Variants in UNC79 observed in about 807,000 individuals in gnomAD.
UNC79 encodes the protein unc-79 subunit of NALCN channel complex, also known as protein unc-79 homolog.
UNC79 carries 37 observed loss-of-function variants against 283.1 expected under a neutral mutation model. The observed-to-expected ratio is 0.13, with a 90% CI of 0.10 to 0.17. The LOEUF (loss-of-function observed/expected upper bound fraction) is 0.17. Ranked by LOEUF, UNC79 falls within the 10% of genes least tolerant of loss-of-function variation. The pLI is 1.00. For synonymous variants in UNC79, 1,107 were observed against 1,200.2 expected, an observed-to-expected ratio of 0.92 and a Z score of 1.61; for missense variants, 2,272 against 3,211.1, an observed-to-expected ratio of 0.71 and a Z score of 7.07.
At chr14:93,559,462 G>T (rs1214385337) in intron 14 of UNC79, among the ~76,000 whole-genome samples, 2 of 152,206 alleles carry the variant, frequency 1.3e-5, no homozygotes, top group Admixed American at 6.5e-5. Flanking sequence ...AATCACCTGG[G>T]TGCAGGTGGG....
intron 7 of UNC79, among the ~76,000 whole-genome samples, chr14:93,513,714 A>C (rs1242515693): frequency 6.6e-6 from 1 of 152,198 alleles, no homozygotes; most frequent in East Asian, 1.9e-4. Flanking sequence ...TGAAATATAC[A>C]ATACATTGTT....
In UNC79 at chr14:93,575,400, ATTTTT is replaced by A. The variant is rs113524776; in HGVS notation, c.2211+203_2211+207del. 6.1e-3 allele frequency among the ~76,000 whole-genome samples: 936 copies of A among 152,292 alleles called. 3 individuals are homozygous for A. The highest frequency in any genetic ancestry group is 0.021 in the African/African-American group (884 of 41,564). On this transcript the variant is annotated intron_variant, in intron 17 of 48. Coordinates refer to ENST00000555664, the Ensembl canonical transcript of UNC79. ...CAGTAAGTTATTGAGTTTTCATTTTATTTTTAATTTCTTTGAATTTTAGCTTTCTC... is the reference window on the plus strand; with the variant it reads ...CAGTAAGTTATTGAGTTTTCATTTTAAATTTCTTTGAATTTTAGCTTTCTC...
At chr14:93,603,594 C>G (rs890498969) in intron 26 of UNC79, among the ~76,000 whole-genome samples, 176 bp downstream of exon 26, 1 of 152,156 alleles carries the variant, frequency 6.6e-6, no homozygotes, top group Admixed American at 6.6e-5. Context: ...CCTAGGGTTG[C>G]TTTTCCTAGT....
chr14:93,389,814 G>T (rs573027974), intron 1 of UNC79, among the ~76,000 whole-genome samples: 1 of 152,196 alleles, frequency 6.6e-6, no homozygotes, highest in East Asian at 1.9e-4. Context: ...ATCACATCTG[G>T]CTAATTTTGT....
At chr14:93,619,668 A>G (rs183570906) in intron 29 of UNC79, among the ~76,000 whole-genome samples, 1 of 152,282 alleles carries the variant, frequency 6.6e-6, no homozygotes, top group Admixed American at 6.5e-5. Context: ...TTCATCTAAA[A>G]TTTACTACTT....
chr14:93,558,481 C>T (rs894288887), intron 14 of UNC79, among the ~76,000 whole-genome samples: 13 of 151,002 alleles, frequency 8.6e-5, no homozygotes, highest in Middle Eastern at 3.2e-3. Context: ...GCGTGAACCC[C>T]GGAGGCGGAG....
At chr14:93,418,341 G>C (rs1294384538) in intron 1 of UNC79, among the ~76,000 whole-genome samples, 1 of 151,678 alleles carries the variant, frequency 6.6e-6, no homozygotes, top group Admixed American at 6.6e-5. Flanking sequence ...GCAGATTTTC[G>C]TGAACCGTGA....
intron 22 of UNC79, among the ~76,000 whole-genome samples, chr14:93,588,443 TAAAG>T (rs2064371000): frequency 6.6e-6 from 1 of 151,978 alleles, no homozygotes; most frequent in Non-Finnish European, 1.5e-5. Flanking sequence ...ATTTTTAGGA[TAAAG>T]AAAATCTGAA....
At chr14:93,411,537 C>T (rs1228274250) in intron 1 of UNC79, among the ~76,000 whole-genome samples, 2 of 152,204 alleles carry the variant, frequency 1.3e-5, no homozygotes, top group Non-Finnish European at 2.9e-5. Flanking sequence ...GTAGTGGTGA[C>T]CACAGTGGGG....
intron 2 of UNC79, among the ~76,000 whole-genome samples, chr14:93,470,174 GT>G (rs537735900): frequency 9.3e-5 from 14 of 150,792 alleles, no homozygotes; most frequent in South Asian, 2.1e-4. Flanking sequence ...AGTTAAAATG[GT>G]TTTTTTTTGG....
At chr14:93,347,105 G>A in intron 1 of UNC79, 2 of 666,952 alleles carry the variant, frequency 3.0e-6, no homozygotes. Flanking sequence ...GGGCAGAGCA[G>A]GAGGTGCTGG....
At chr14:93,423,185 TAC>T (rs2055644597) in intron 1 of UNC79, among the ~76,000 whole-genome samples, 1 of 151,586 alleles carries the variant, frequency 6.6e-6, no homozygotes, top group East Asian at 2.0e-4. Flanking sequence ...GAAAGATCTC[TAC>T]ACTGAAACTA....
intron 41 of UNC79, among the ~76,000 whole-genome samples, chr14:93,675,157 G>C (rs867878142): frequency 6.6e-6 from 1 of 152,174 alleles, no homozygotes; most frequent in African/African-American, 2.4e-5. Flanking sequence ...CTCTTCAGCA[G>C]TATTTCCCAC....
At chr14:93,673,324 T>C (rs2073053642) in intron 40 of UNC79, 27 bp from the exon 44 acceptor site, 5 of 1,596,390 alleles carry the variant, frequency 3.1e-6, no homozygotes, top group Admixed American at 3.4e-5. Context: ...TAAAATCACT[T>C]ACCTCCTTCT....
intron 24 of UNC79, 71 bp downstream of exon 24, chr14:93,597,611 G>T: frequency 6.8e-7 from 1 of 1,476,982 alleles, no homozygotes. Flanking sequence ...TGCGTTGTTT[G>T]TCACGTCCTA....
chr14:93,542,797 C>T, intron 14 of UNC79, 101 bp downstream of exon 14: 4 of 1,080,848 alleles, frequency 3.7e-6, no homozygotes, highest in Non-Finnish European at 5.6e-6. Flanking sequence ...AGAGGAGGAA[C>T]ATCTCTCCTT....
chr14:93,580,584 T>C (rs2063737030), intron 19 of UNC79, among the ~76,000 whole-genome samples: 2 of 152,246 alleles, frequency 1.3e-5, no homozygotes, highest in Admixed American at 1.3e-4. Flanking sequence ...CGGAATTCTA[T>C]TAAGTGGCTT....
rs1330970051 is a variant in UNC79, at chr14:93,529,266, A to G, written c.1053-20A>G. 26 of 1,612,826 alleles carry G rather than the reference A, an allele frequency of 1.6e-5. No homozygotes were observed. Among genetic ancestry groups the G allele is most frequent in the Non-Finnish European group, 2.1e-5 (25 of 1,179,570 alleles). Reference sequence around the variant, plus strand: ...AACATTTCAATGAAGCTCAAAAATGAATTTTGTTTTTTTCAATAGGGACCA... The same window carrying G: ...AACATTTCAATGAAGCTCAAAAATGGATTTTGTTTTTTTCAATAGGGACCA... On this transcript the variant is annotated intron_variant, in intron 9 of 48. Transcript: ENST00000555664.
chr14:93,427,375 A>G (rs1205161306), upstream of UNC79, among the ~76,000 whole-genome samples: 2 of 152,188 alleles, frequency 1.3e-5, no homozygotes, highest in Non-Finnish European at 2.9e-5. Context: ...TTGAGCATAA[A>G]GTGTTAAGTT....
Sources: gnomAD v4.1 joint callset for allele counts (sites outside exome capture counted in the v4.1 genomes callset) on GRCh38, gnomAD v4.1.1 for gene constraint, MANE v1.5 for transcripts, NCBI Gene and HGNC (gene_info 2026-07-23, HGNC 2026-07-21) for gene names.